The following PLCH1 variants were observed in gnomAD, a reference collection of about 807,000 sequenced individuals.
PLCH1 encodes 1-phosphatidylinositol 4,5-bisphosphate phosphodiesterase eta-1.
A neutral mutation model predicts 126.7 loss-of-function variants in PLCH1; 60 were observed. The observed-to-expected ratio is 0.47, with a 90% CI of 0.38 to 0.59. The LOEUF (loss-of-function observed/expected upper bound fraction) is 0.59, where lower values mean the gene tolerates loss of function less well. Among genes scored for constraint, PLCH1 ranks in the 20% least tolerant of loss-of-function variants. PLCH1 has a pLI of 0.00. For missense variants in PLCH1, 1,723 were observed against 2,040.0 expected, an observed-to-expected ratio of 0.84 and a Z score of 2.99; for synonymous variants, 719 against 734.9, an observed-to-expected ratio of 0.98 and a Z score of 0.35.
chr3:155,478,868 C>A (rs1372368201), downstream of PLCH1, among the ~76,000 whole-genome samples: 2 of 152,014 alleles, frequency 1.3e-5, no homozygotes, highest in Non-Finnish European at 2.9e-5. Context: ...TGCATCCAAC[C>A]TATTTTCTTC....
intron 1 of PLCH1, among the ~76,000 whole-genome samples, chr3:155,712,727 G>A (rs1392830308): frequency 4.0e-5 from 6 of 151,112 alleles, no homozygotes; most frequent in African/African-American, 7.3e-5. Context: ...GTGGGACAGC[G>A]ATACTCTGTC....
At chr3:155,491,186 T>C (rs765849107) in intron 18 of PLCH1, among the ~76,000 whole-genome samples, 7 of 152,246 alleles carry the variant, frequency 4.6e-5, no homozygotes, top group Non-Finnish European at 1.0e-4. Flanking sequence ...GCTGTATCTA[T>C]AATAGTCAAA....
At chr3:155,668,084 C>CAAAAAAAAAAAAAAAAAA (rs756879174) in intron 2 of PLCH1, among the ~76,000 whole-genome samples, 1 of 38,006 alleles carries the variant, frequency 2.6e-5, no homozygotes, top group African/African-American at 1.2e-4. Flanking sequence ...GACTCCATCT[C>CAAAAAAAAAAAAAAAAAA]AAAAAAAAAA....
rs748507368 is a variant in PLCH1 at position 155,554,090 on chromosome 3, G to C, written c.1176C>G (p.Ala392=). The C allele has an allele frequency of 6.2e-7, 1 of 1,613,776 alleles. No homozygotes were observed. Among genetic ancestry groups the C allele is most frequent in the African/African-American group, 1.3e-5 (1 of 74,904 alleles). ...RDVVETINKH[A]FVKNEFPVIL... ...GCTTTACTTACTCATTCTTCACAAA[G>C]GCATGCTTGTTGATGGTCTCCACAA... is the stretch of plus-strand genomic sequence containing the variant. Residue 392 remains alanine (A), a synonymous_variant, in exon 9 of 23, where the codon GCC becomes GCG. Coordinates refer to ENST00000460012, the MANE Select transcript of PLCH1 (RefSeq NM_014996.4).
intron 12 of PLCH1, among the ~76,000 whole-genome samples, chr3:155,508,590 T>C (rs1718993410): frequency 7.2e-6 from 1 of 138,976 alleles, no homozygotes; most frequent in Admixed American, 7.3e-5. Flanking sequence ...TCAAAGGCTT[T>C]TTCTGCATCT....
intron 1 of PLCH1, among the ~76,000 whole-genome samples, chr3:155,740,973 G>A (rs977156235): frequency 6.6e-6 from 1 of 152,162 alleles, no homozygotes. Context: ...TACATAGCTG[G>A]TAAGAACATT....
At chr3:155,485,731 A>C in intron 21 of PLCH1, 21 bp from the exon 22 acceptor site, 1 of 1,487,470 alleles carries the variant, frequency 6.7e-7, no homozygotes, top group South Asian at 1.2e-5. Context: ...AAAAGAACCA[A>C]CCACAAGTTA....
At chr3:155,699,804 G>A (rs1746123119) in intron 2 of PLCH1, among the ~76,000 whole-genome samples, 1 of 113,716 alleles carries the variant, frequency 8.8e-6, no homozygotes, top group African/African-American at 4.1e-5. Flanking sequence ...TCCATGGTCA[G>A]GAGAAACCTG....
chr3:155,607,392 T>C (rs949513825), intron 2 of PLCH1, among the ~76,000 whole-genome samples: 5 of 152,194 alleles, frequency 3.3e-5, no homozygotes, highest in South Asian at 2.1e-4. Context: ...TAAAAAAACA[T>C]GAATGCATTT....
chr3:155,541,411 G>C (rs1724210113), intron 10 of PLCH1, among the ~76,000 whole-genome samples: 1 of 152,136 alleles, frequency 6.6e-6, no homozygotes, highest in Non-Finnish European at 1.5e-5. Context: ...TAAAAAGTAA[G>C]AGACATGTGA....
At chr3:155,591,332 G>T (rs1268099599) in intron 4 of PLCH1, among the ~76,000 whole-genome samples, 1 of 152,142 alleles carries the variant, frequency 6.6e-6, no homozygotes, top group East Asian at 1.9e-4. Context: ...GGGGGCGGGG[G>T]TGTAAATCTT....
At chr3:155,514,457 T>TG (rs1203308736) in intron 12 of PLCH1, among the ~76,000 whole-genome samples, 1 of 152,208 alleles carries the variant, frequency 6.6e-6, no homozygotes, top group African/African-American at 2.4e-5. Context: ...TTCCCTCACC[T>TG]GAGCATGCAT....
intron 21 of PLCH1, among the ~76,000 whole-genome samples, chr3:155,471,577 C>A (rs546003948): frequency 9.3e-4 from 136 of 146,972 alleles, no homozygotes; most frequent in African/African-American, 3.1e-3. Flanking sequence ...CCAAGCAGAC[C>A]TAATAGACAT....
intron 1 of PLCH1, among the ~76,000 whole-genome samples, chr3:155,744,425 C>T (rs58689622): frequency 0.056 from 8,563 of 152,272 alleles, 539 homozygotes; most frequent in African/African-American, 0.16. Context: ...ACTCCCCTTG[C>T]TGGGAAACGC....
rs528959238 is a variant in PLCH1 at position 155,640,925 on chromosome 3, A to C, written c.80-44547T>G. ...TCCTAAGCCTGTCAAAGTAAATTTC[A>C]ACGAACGAATTCATAACATAACATT... On this transcript the variant is annotated intron_variant, in intron 2 of 22. Coordinates refer to ENST00000460012, the MANE Select transcript of PLCH1 (RefSeq NM_014996.4). Among the ~76,000 whole-genome samples, 31 of 152,286 alleles carry C rather than the reference A, an allele frequency of 2.0e-4. No homozygotes were observed. In the South Asian group the frequency reaches 5.8e-3, roughly 28 times the overall value.
intron 12 of PLCH1, among the ~76,000 whole-genome samples, chr3:155,510,833 C>A (rs1047152949): frequency 2.1e-5 from 2 of 93,352 alleles, no homozygotes; most frequent in African/African-American, 1.3e-4. Context: ...AATTATGTGT[C>A]TTGGAGTTGC....
At chr3:155,630,430 T>C (rs907881324) in intron 2 of PLCH1, among the ~76,000 whole-genome samples, 23 of 152,238 alleles carry the variant, frequency 1.5e-4, no homozygotes, top group African/African-American at 5.3e-4. Context: ...AATCAGAATA[T>C]AGTGGAGTCA....
At chr3:155,537,999 A>G (rs1397430211) in intron 10 of PLCH1, among the ~76,000 whole-genome samples, 1 of 152,164 alleles carries the variant, frequency 6.6e-6, no homozygotes, top group Non-Finnish European at 1.5e-5. Flanking sequence ...ATGACAGGCC[A>G]CAAAACAAGT....
downstream of PLCH1, among the ~76,000 whole-genome samples, chr3:155,476,517 G>T (rs901956941): frequency 6.6e-6 from 1 of 151,940 alleles, no homozygotes; most frequent in African/African-American, 2.4e-5. Flanking sequence ...CCTTGTTTAA[G>T]GATGATATGA....
Sources: allele counts gnomAD v4.1 joint callset (sites outside exome capture counted in the v4.1 genomes callset), GRCh38; gene constraint gnomAD v4.1.1; transcripts MANE v1.5; gene names NCBI Gene and HGNC (gene_info 2026-07-23, HGNC 2026-07-21).